The following IL7 variants were observed in gnomAD, a reference collection of about 807,000 sequenced individuals.
IL7 encodes the protein interleukin 7.
Under a neutral mutation model 21.6 loss-of-function variants are expected in IL7, and 3 were observed. The observed-to-expected ratio is 0.14, with a 90% CI of 0.06 to 0.36. IL7 has a LOEUF of 0.36. Among genes scored for constraint, IL7 ranks in the 10% least tolerant of loss-of-function variants. The probability of loss-of-function intolerance (pLI) is 1.00; values close to 1 mark genes in which losing one functional copy is unlikely to be tolerated. For synonymous variants in IL7, 62 were observed against 68.1 expected, an observed-to-expected ratio of 0.91 and a Z score of 0.44; for missense variants, 175 against 200.2, an observed-to-expected ratio of 0.87 and a Z score of 0.76.
At chr8:78,692,457 CTCTT>C (rs1367593175) in intron 3 of IL7, among the ~76,000 whole-genome samples, 2 of 152,118 alleles carry the variant, frequency 1.3e-5, no homozygotes, top group Non-Finnish European at 2.9e-5. Flanking sequence ...ATCATGTTTT[CTCTT>C]TCTTTGCTGG....
At chr8:78,677,740 C>T (rs1269300238) in intron 4 of IL7, among the ~76,000 whole-genome samples, 4 of 151,948 alleles carry the variant, frequency 2.6e-5, no homozygotes, top group Non-Finnish European at 4.4e-5. Context: ...AAAAAGGGTC[C>T]CAATCCAGAC....
intron 4 of IL7, among the ~76,000 whole-genome samples, chr8:78,683,461 C>A (rs1038241597): frequency 6.6e-6 from 1 of 152,230 alleles, no homozygotes; most frequent in African/African-American, 2.4e-5. Flanking sequence ...CCTCTGAAGC[C>A]ATGGCTCAAC....
intron 3 of IL7, chr8:78,686,671 A>G (rs1185428519): frequency 7.2e-7 from 1 of 1,381,542 alleles, no homozygotes; most frequent in Non-Finnish European, 9.4e-7. Context: ...GAGTTTTTAT[A>G]AATTTTCACT....
intron 2 of IL7, among the ~76,000 whole-genome samples, chr8:78,794,094 C>T (rs1430911073): frequency 6.6e-6 from 1 of 152,142 alleles, no homozygotes; most frequent in East Asian, 1.9e-4. Context: ...TCAAAGTCAT[C>T]TATGACAGTT....
At chr8:78,694,744 G>A (rs1371395838) in intron 3 of IL7, among the ~76,000 whole-genome samples, 4 of 152,072 alleles carry the variant, frequency 2.6e-5, no homozygotes, top group Non-Finnish European at 4.4e-5. Flanking sequence ...AATTTCATTA[G>A]TCATTAGTCT....
At chr8:78,784,149 C>A (rs141443912) in intron 2 of IL7, among the ~76,000 whole-genome samples, 1 of 152,080 alleles carries the variant, frequency 6.6e-6, no homozygotes, top group Non-Finnish European at 1.5e-5. Flanking sequence ...GTGAGGCCTT[C>A]GGGAGGTAAT....
chr8:78,777,271 C>T (rs780187446), intron 2 of IL7, among the ~76,000 whole-genome samples: 9 of 151,946 alleles, frequency 5.9e-5, no homozygotes, highest in Admixed American at 1.3e-4. Context: ...GAGTATTAGA[C>T]GCATCATTGT....
At chr8:78,757,621 C>T (rs771708216) in intron 2 of IL7, among the ~76,000 whole-genome samples, 2 of 151,976 alleles carry the variant, frequency 1.3e-5, no homozygotes, top group Non-Finnish European at 2.9e-5. Context: ...ATGAATTGAT[C>T]CCTTCATCAT....
rs528803980 is a variant in IL7 at position 78,782,662 on chromosome 8, G to A, written c.147+15410C>T. ...AATGTCTCTATATAAGGTATCTGGT[G>A]ACCCCTGTTGGGGGTGGTCTCACCC... On this transcript the variant is annotated intron_variant, in intron 2 of 5. Transcript: ENST00000263851. Among the ~76,000 whole-genome samples the A allele has an allele frequency of 7.9e-4, 120 of 152,164 alleles. 1 individual carries two copies. Among genetic ancestry groups the A allele is most frequent in the Non-Finnish European group, 1.6e-3 (109 of 67,994 alleles).
intron 3 of IL7, among the ~76,000 whole-genome samples, chr8:78,700,291 G>A (rs893293448): frequency 1.3e-5 from 2 of 151,868 alleles, no homozygotes; most frequent in Non-Finnish European, 2.9e-5. Flanking sequence ...GTTCATGTCT[G>A]TTGTCCACTT....
chr8:78,778,932 T>C lies in IL7; in HGVS notation c.147+19140A>G, dbSNP rs544801657. ...TCTCTGATATACTTGAGCAGTGGTT[T>C]GTATTTCTCCCTGAGAGGTCTTCAC... On this transcript the variant is annotated intron_variant, in intron 2 of 5. Transcript: ENST00000263851. 7.2e-5 allele frequency among the ~76,000 whole-genome samples: 11 copies of C among 152,298 alleles called. No individual in the cohort carries two copies. In the South Asian group the frequency reaches 1.2e-3, roughly 17 times the overall value.
intron 3 of IL7, among the ~76,000 whole-genome samples, chr8:78,699,757 A>T (rs977992619): frequency 6.6e-6 from 1 of 152,142 alleles, no homozygotes; most frequent in Non-Finnish European, 1.5e-5. Flanking sequence ...CCTAAGGATA[A>T]TGGCCTCCAG....
rs578072573 is a variant in IL7, at chr8:78,767,775, TTTA to T, written c.148-27696_148-27694del. ...GTTCAAATGGAGTAATCTTTTTTAT[TTTA>T]TTATTATTATACTTTAAGTTTTAGG... On this transcript the variant is annotated intron_variant, in intron 2 of 5. Coordinates refer to ENST00000263851, the MANE Select transcript of IL7 (RefSeq NM_000880.4). Among the ~76,000 whole-genome samples the T allele has an allele frequency of 5.1e-3, 781 of 152,166 alleles. 10 individuals are homozygous for T. The highest frequency in any genetic ancestry group is 0.018 in the African/African-American group (754 of 41,500).
chr8:78,782,029 T>C (rs1002834872), intron 2 of IL7, among the ~76,000 whole-genome samples: 5 of 152,166 alleles, frequency 3.3e-5, no homozygotes, highest in Non-Finnish European at 5.9e-5. Context: ...TGTGGTTGCA[T>C]TGGGAAGTTC....
At chr8:78,766,991 G>A (rs1293260889) in intron 2 of IL7, among the ~76,000 whole-genome samples, 6 of 152,150 alleles carry the variant, frequency 3.9e-5, no homozygotes, top group South Asian at 4.1e-4. Context: ...AAAAAATTAT[G>A]CCTCATTATA....
At chr8:78,713,025 C>T (rs1245397759), downstream of IL7, among the ~76,000 whole-genome samples, 10 of 152,002 alleles carry the variant, frequency 6.6e-5, no homozygotes, top group South Asian at 2.1e-4. Flanking sequence ...TGCTGTGAGC[C>T]GTTTTTCATT....
chr8:78,762,304 T>G, intron 2 of IL7: 1 of 1,598,228 alleles, frequency 6.3e-7, no homozygotes, highest in South Asian at 1.1e-5. Flanking sequence ...CTTCTAAGTC[T>G]GCTCTCCTAC....
chr8:78,730,919 T>C (rs750448187), downstream of IL7, among the ~76,000 whole-genome samples: 3 of 151,902 alleles, frequency 2.0e-5, no homozygotes, highest in Non-Finnish European at 4.4e-5. Context: ...GTCATAGCAA[T>C]TGAGGAAAAG....
At chr8:78,778,616 T>A (rs1361029377) in intron 2 of IL7, among the ~76,000 whole-genome samples, 1 of 152,030 alleles carries the variant, frequency 6.6e-6, no homozygotes, top group Admixed American at 6.6e-5. Flanking sequence ...TGTTTTTGTA[T>A]GAGTACTGTG....
Sources: allele counts gnomAD v4.1 joint callset (sites outside exome capture counted in the v4.1 genomes callset), GRCh38; gene constraint gnomAD v4.1.1; transcripts MANE v1.5; gene names NCBI Gene and HGNC (gene_info 2026-07-23, HGNC 2026-07-21).